CCDC32: variants seen among roughly 807,000 people sequenced by gnomAD.
CCDC32 encodes the protein coiled-coil domain-containing protein 32.
Under a neutral mutation model 20.1 loss-of-function variants are expected in CCDC32, and 9 were observed. That is an observed-to-expected ratio of 0.45 (90% confidence interval 0.27 to 0.78). CCDC32 has a LOEUF of 0.78. Among genes scored for constraint, CCDC32 ranks in the 30% least tolerant of loss-of-function variants. CCDC32 has a pLI of 0.16. For synonymous variants in CCDC32, 63 were observed against 79.0 expected (o/e 0.80, Z 1.07); for missense variants, 204 against 215.5 (o/e 0.95, Z 0.33).
chr15:40,548,994 T>TA (rs1432578268), downstream of CCDC32, among the ~76,000 whole-genome samples: 6 of 151,958 alleles, frequency 3.9e-5, no homozygotes, highest in Non-Finnish European at 7.4e-5. Context: ...TCTGTAATAG[T>TA]GAAAAAATAA....
At chr15:40,525,792 G>A (rs961421086), downstream of CCDC32, among the ~76,000 whole-genome samples, 1 of 152,200 alleles carries the variant, frequency 6.6e-6, no homozygotes, top group Non-Finnish European at 1.5e-5. Flanking sequence ...AATACTGGGT[G>A]GCCTCTGGCC....
At chr15:40,528,176 G>A (rs554934268), downstream of CCDC32, among the ~76,000 whole-genome samples, 4 of 152,310 alleles carry the variant, frequency 2.6e-5, no homozygotes, top group South Asian at 2.1e-4. Flanking sequence ...GGGAAGATTC[G>A]GATTTGGCTA....
At chr15:40,535,118 A>C, downstream of CCDC32, 2 of 947,016 alleles carry the variant, frequency 2.1e-6, no homozygotes, top group Non-Finnish European at 3.3e-6. Context: ...CAGCAGGAGA[A>C]TCATTACAGG....
At chr15:40,535,688 A>G, downstream of CCDC32, 13 of 972,182 alleles carry the variant, frequency 1.3e-5, no homozygotes, top group Non-Finnish European at 1.6e-5. Context: ...AAAGCAGGGA[A>G]GTCATCAGTG....
intron 3 of CCDC32, among the ~76,000 whole-genome samples, chr15:40,547,182 C>T (rs1889657149): frequency 6.6e-6 from 1 of 152,086 alleles, no homozygotes; most frequent in South Asian, 2.1e-4. Context: ...TCATTACCTT[C>T]AGTGCACCCC....
In CCDC32 at chr15:40,557,391, C is replaced by CTT; in HGVS notation, c.245-21_245-20dup. On this transcript the variant is annotated intron_variant, in intron 2 of 3. Coordinates refer to ENST00000416810, the MANE Select transcript of CCDC32 (RefSeq NM_001080792.4). ...TTCTTCTCTAGAGAGAGAAGTAGAG[C>CTT]TTAACAAGGAAAATGAGCATGACAT... is the stretch of plus-strand genomic sequence containing the variant. The CTT allele has an allele frequency of 6.4e-7, 1 of 1,571,782 alleles. No homozygotes were observed. Among genetic ancestry groups the CTT allele is most frequent in the Non-Finnish European group, 8.6e-7 (1 of 1,164,290 alleles).
downstream of CCDC32, among the ~76,000 whole-genome samples, chr15:40,526,421 A>G (rs947432195): frequency 5.9e-5 from 9 of 152,302 alleles, no homozygotes; most frequent in South Asian, 1.9e-3. Context: ...GATCTCCATC[A>G]TTATTATTGA....
At chr15:40,521,652 A>G in the CCDC32 span, among the ~76,000 whole-genome samples, 4 of 152,140 alleles carry the variant, frequency 2.6e-5, no homozygotes, top group Non-Finnish European at 5.9e-5. Flanking sequence ...GACTCTTGTT[A>G]TTGTCTATCT....
rs1001156953 is a variant in CCDC32 at position 40,564,641 on chromosome 15, C to T, written c.-13+335G>A. 4.5e-6 allele frequency: 6 copies of T among 1,340,396 alleles called. No individual in the cohort carries two copies. In the African/African-American group the frequency reaches 7.2e-5, roughly 16 times the overall value. The allele number at this position is 1,340,396 out of a possible 1,614,324, so 83.0% of individuals were successfully genotyped here. A position where few individuals can be genotyped will look rare whatever the true frequency, so the allele number is the denominator to read the frequency against. Reference sequence around the variant, plus strand: ...ATGCCAGGAGACAGAGCCCAGCCAGCGTAAAGGCCGGAAGTAAAAGGGACA... The same window carrying T: ...ATGCCAGGAGACAGAGCCCAGCCAGTGTAAAGGCCGGAAGTAAAAGGGACA... On this transcript the variant is annotated intron_variant, in intron 1 of 3. Transcript: ENST00000416810.
downstream of CCDC32, among the ~76,000 whole-genome samples, chr15:40,530,526 A>C (rs1250766663): frequency 2.7e-4 from 6 of 22,038 alleles, no homozygotes; most frequent in African/African-American, 9.9e-4. Context: ...AGAGCCTGGC[A>C]CCTCCTCTCT....
chr15:40,557,117 A>C, intron 3 of CCDC32, 99 bp downstream of exon 3: 1 of 1,470,272 alleles, frequency 6.8e-7, no homozygotes, highest in South Asian at 1.4e-5. Flanking sequence ...GCCTTTTGGC[A>C]AAAAAGTCTG....
At chr15:40,544,889 G>A (rs1889549593) in intron 3 of CCDC32, among the ~76,000 whole-genome samples, 1 of 152,088 alleles carries the variant, frequency 6.6e-6, no homozygotes, top group African/African-American at 2.4e-5. Context: ...TCTGTATCAT[G>A]TTTCATACTT....
chr15:40,556,214 C>G, intron 3 of CCDC32, among the ~76,000 whole-genome samples: 1 of 152,222 alleles, frequency 6.6e-6, no homozygotes. Flanking sequence ...ATCTAAACTA[C>G]TTGCAGGTAC....
chr15:40,557,471 A>T, intron 2 of CCDC32, 99 bp from the exon 3 acceptor site: 1 of 1,278,080 alleles, frequency 7.8e-7, no homozygotes, highest in South Asian at 1.5e-5. Context: ...TCTCTCACCG[A>T]TGAGGACATC....
chr15:40,552,210 G>A (rs374046790), downstream of CCDC32, among the ~76,000 whole-genome samples: 5 of 151,910 alleles, frequency 3.3e-5, no homozygotes, highest in African/African-American at 7.2e-5. Flanking sequence ...GGCCAGGCGC[G>A]GTGGCTCATG....
At chr15:40,523,663 T>C in the CCDC32 span, among the ~76,000 whole-genome samples, 5 of 152,274 alleles carry the variant, frequency 3.3e-5, no homozygotes, top group East Asian at 9.6e-4. Flanking sequence ...AGATAGTTTA[T>C]TAAATAGGAT....
chr15:40,542,639 C>T (rs914298127), intron 3 of CCDC32, among the ~76,000 whole-genome samples: 1 of 151,452 alleles, frequency 6.6e-6, no homozygotes. Flanking sequence ...GAGGCTGAGG[C>T]GGGAGGATCA....
chr15:40,542,171 A>G lies in CCDC32; in HGVS notation c.402-2816T>C, dbSNP rs554933129. On this transcript the variant is annotated intron_variant, in intron 3 of 3. Coordinates refer to the CCDC32 transcript ENST00000558113. ...ACACCTCCAGTGACAGGGAATTACT[A>G]TCTTCTACAAGGCCACCCTATTGTT... 1.2e-4 allele frequency among the ~76,000 whole-genome samples: 19 copies of G among 152,328 alleles called. No homozygotes were observed. The South Asian group carries it at 3.5e-3, about 28-fold the overall frequency.
chr15:40,532,869 T>A (rs1373551212), downstream of CCDC32, among the ~76,000 whole-genome samples: 1 of 151,674 alleles, frequency 6.6e-6, no homozygotes, highest in Non-Finnish European at 1.5e-5. Context: ...ACCTGGCTAA[T>A]TTTTTTTATT....
Sources: allele counts gnomAD v4.1 joint callset (sites outside exome capture counted in the v4.1 genomes callset), GRCh38; gene constraint gnomAD v4.1.1; transcripts MANE v1.5; gene names NCBI Gene and HGNC (gene_info 2026-07-23, HGNC 2026-07-21).